ATP6V1C2: variants seen among roughly 807,000 people sequenced by gnomAD.
ATP6V1C2 encodes ATPase H+ transporting V1 subunit C2.
Under a neutral mutation model 56.8 loss-of-function variants are expected in ATP6V1C2, and 45 were observed. The observed-to-expected ratio is 0.79, with a 90% CI of 0.62 to 1.02. The LOEUF is 1.02. Among genes scored for constraint, ATP6V1C2 ranks in the 50% least tolerant of loss-of-function variants. The pLI, the probability that ATP6V1C2 is intolerant of heterozygous loss-of-function variation, is 0.00. For synonymous variants in ATP6V1C2, 220 were observed against 201.3 expected (o/e 1.09, Z -0.79); for missense variants, 463 against 519.7 (o/e 0.89, Z 1.06).
At chr2:10,733,241 G>A (rs959493340) in intron 3 of ATP6V1C2, among the ~76,000 whole-genome samples, 2 of 152,172 alleles carry the variant, frequency 1.3e-5, no homozygotes, top group Non-Finnish European at 2.9e-5. Flanking sequence ...AGGGTGTCCT[G>A]TGTTGGGAGT....
At position 10,777,715 on chromosome 2, in the gene ATP6V1C2, AG is replaced by A; in HGVS notation, c.959del (p.Gly320ValfsTer11). 1 of 1,610,386 alleles carries A rather than the reference AG, an allele frequency of 6.2e-7. No individual in the cohort carries two copies. The highest frequency in any genetic ancestry group is 8.5e-7 in the Non-Finnish European group (1 of 1,178,964). On this transcript the variant is annotated frameshift_variant, in exon 11 of 14. Coordinates refer to ENST00000272238, the MANE Select transcript of ATP6V1C2 (RefSeq NM_001039362.2). LOFTEE classifies it high-confidence loss of function. ...GACAGAGAGAGAGAGAGTGAGGGCG[AG>A]GGTGAGGTAAGCAACGCCCCGGGAA... The part of the protein sequence containing the change: ...QTDRERESEG[E>X]GEGPLLRWLK...
intron 1 of ATP6V1C2, among the ~76,000 whole-genome samples, chr2:10,722,075 C>A (rs1448103919): frequency 6.6e-6 from 1 of 152,142 alleles, no homozygotes; most frequent in Non-Finnish European, 1.5e-5. Flanking sequence ...TTCCCCCAGC[C>A]GTCCGGAGAC....
At chr2:10,722,715 G>T in intron 1 of ATP6V1C2, 109 bp from the exon 2 acceptor site, 1 of 1,220,296 alleles carries the variant, frequency 8.2e-7, no homozygotes, top group Non-Finnish European at 1.1e-6. Flanking sequence ...TGTCCTTGGA[G>T]CTCATCCTAG....
intron 2 of ATP6V1C2, among the ~76,000 whole-genome samples, chr2:10,723,270 T>G (rs1014215872): frequency 2.6e-5 from 4 of 152,180 alleles, no homozygotes; most frequent in African/African-American, 9.7e-5. Context: ...GGAAGCACGT[T>G]AAATGCACAC....
At chr2:10,755,245 A>G (rs1053780337) in intron 4 of ATP6V1C2, among the ~76,000 whole-genome samples, 1 of 151,686 alleles carries the variant, frequency 6.6e-6, no homozygotes, top group African/African-American at 2.4e-5. Flanking sequence ...CATGTTGGTC[A>G]GGCTGGTCTC....
chr2:10,732,052 G>A (rs1365347829), intron 3 of ATP6V1C2, among the ~76,000 whole-genome samples: 1 of 152,062 alleles, frequency 6.6e-6, no homozygotes, highest in Non-Finnish European at 1.5e-5. Flanking sequence ...TTCTAGAGCT[G>A]TCTTTGCTAC....
At chr2:10,772,650 A>G in intron 8 of ATP6V1C2, 40 bp downstream of exon 8, 1 of 1,564,910 alleles carries the variant, frequency 6.4e-7, no homozygotes, top group Non-Finnish European at 8.8e-7. Context: ...CCCCTGGGGT[A>G]CATGTGTGGG....
intron 3 of ATP6V1C2, among the ~76,000 whole-genome samples, chr2:10,750,528 C>CA (rs55787913): frequency 3.0e-4 from 43 of 143,698 alleles, no homozygotes; most frequent in Middle Eastern, 3.5e-3. Context: ...AAACGAAAAG[C>CA]AAAAAAAAAA....
chr2:10,758,455 A>C (rs571405549), intron 4 of ATP6V1C2, among the ~76,000 whole-genome samples: 20 of 152,166 alleles, frequency 1.3e-4, no homozygotes, highest in Admixed American at 1.2e-3. Context: ...CTGGTAAAGC[A>C]CATTCTGAAG....
intron 4 of ATP6V1C2, among the ~76,000 whole-genome samples, chr2:10,758,770 C>A (rs895728112): frequency 6.6e-6 from 1 of 151,746 alleles, no homozygotes; most frequent in Non-Finnish European, 1.5e-5. Context: ...TCAAGCAATT[C>A]TCCTGCCTCA....
chr2:10,745,750 G>A (rs901978350), intron 3 of ATP6V1C2, among the ~76,000 whole-genome samples: 1 of 152,114 alleles, frequency 6.6e-6, no homozygotes, highest in Admixed American at 6.6e-5. Flanking sequence ...AACTGAAACT[G>A]TATTCATTAA....
At chr2:10,754,289 A>C (rs372858561) in intron 4 of ATP6V1C2, among the ~76,000 whole-genome samples, 2 of 152,230 alleles carry the variant, frequency 1.3e-5, no homozygotes. Flanking sequence ...AGTGTGGTGC[A>C]ATCTTGGCTC....
At chr2:10,754,192 C>T (rs1663387011) in intron 4 of ATP6V1C2, 126 bp downstream of exon 4, 1 of 685,478 alleles carries the variant, frequency 1.5e-6, no homozygotes, top group Admixed American at 2.7e-5. Flanking sequence ...TCTGGATTGA[C>T]ACATTGGGCA....
At chr2:10,773,040 C>A (rs1040994427) in intron 8 of ATP6V1C2, among the ~76,000 whole-genome samples, 7 of 152,186 alleles carry the variant, frequency 4.6e-5, no homozygotes, top group African/African-American at 1.7e-4. Flanking sequence ...GCCAGAGCAG[C>A]AGTAGCCAGT....
intron 5 of ATP6V1C2, 151 bp from the exon 6 acceptor site, chr2:10,768,568 G>T: frequency 3.1e-6 from 2 of 649,000 alleles, no homozygotes; most frequent in Non-Finnish European, 5.3e-6. Flanking sequence ...CCCTGGAAGG[G>T]CCAAATGCTG....
intron 3 of ATP6V1C2, among the ~76,000 whole-genome samples, chr2:10,735,146 C>A (rs920438744): frequency 2.6e-5 from 4 of 151,948 alleles, no homozygotes; most frequent in African/African-American, 7.3e-5. Flanking sequence ...TTAATTTAAC[C>A]TGTTTTTACT....
At chr2:10,734,893 G>A (rs1356099540) in intron 3 of ATP6V1C2, among the ~76,000 whole-genome samples, 4 of 152,080 alleles carry the variant, frequency 2.6e-5, no homozygotes, top group Admixed American at 2.6e-4. Flanking sequence ...TACTGAGCCT[G>A]GGTAAAATAG....
intron 12 of ATP6V1C2, among the ~76,000 whole-genome samples, chr2:10,781,545 T>C (rs948444572): frequency 2.6e-5 from 4 of 152,160 alleles, no homozygotes; most frequent in African/African-American, 9.7e-5. Flanking sequence ...CTTATCTTTA[T>C]GGCAGCCCCG....
intron 2 of ATP6V1C2, among the ~76,000 whole-genome samples, chr2:10,725,450 G>C (rs78963076): frequency 0.015 from 2,287 of 148,710 alleles, 52 homozygotes; most frequent in African/African-American, 0.053. Context: ...GAATGATGAA[G>C]TGGGAGGAAA....
Sources: gnomAD v4.1 joint callset for allele counts (sites outside exome capture counted in the v4.1 genomes callset) on GRCh38, gnomAD v4.1.1 for gene constraint, MANE v1.5 for transcripts, NCBI Gene and HGNC (gene_info 2026-07-23, HGNC 2026-07-21) for gene names.